The following RBFOX1 variants were observed in gnomAD, a reference collection of about 807,000 sequenced individuals.
The protein encoded by RBFOX1 is RNA binding fox-1 homolog 1, also known as RNA binding protein fox-1 homolog 1.
Under a neutral mutation model 57.7 loss-of-function variants are expected in RBFOX1, and 8 were observed. The observed-to-expected ratio is 0.14, with a 90% confidence interval of 0.08 to 0.25. The LOEUF is 0.25. Ranked by LOEUF, RBFOX1 falls within the 10% of genes least tolerant of loss-of-function variation. The probability of loss-of-function intolerance (pLI) is 1.00; values close to 1 mark genes in which losing one functional copy is unlikely to be tolerated. For missense variants in RBFOX1, 611 were observed against 548.5 expected, an observed-to-expected ratio of 1.11 and a Z score of -1.14; for synonymous variants, 326 against 222.4, an observed-to-expected ratio of 1.47 and a Z score of -4.15.
chr16:6,888,421 G>C (rs1162793674), intron 3 of RBFOX1, among the ~76,000 whole-genome samples: 1 of 152,136 alleles, frequency 6.6e-6, no homozygotes, highest in Non-Finnish European at 1.5e-5. Context: ...TCAACACTTA[G>C]AAAGCAGTGT....
At chr16:7,479,205 C>T (rs1267499253) in intron 4 of RBFOX1, among the ~76,000 whole-genome samples, 1 of 150,346 alleles carries the variant, frequency 6.7e-6, no homozygotes, top group African/African-American at 2.4e-5. Context: ...CTCAGTGCAA[C>T]TTCTGCCTCC....
At chr16:7,057,053 G>C (rs1474951135) in intron 4 of RBFOX1, among the ~76,000 whole-genome samples, 3 of 149,606 alleles carry the variant, frequency 2.0e-5, no homozygotes, top group Admixed American at 6.7e-5. Context: ...ATGCAGGCCT[G>C]ATACTCAACA....
intron 4 of RBFOX1, among the ~76,000 whole-genome samples, chr16:7,479,254 G>A (rs780600661): frequency 2.6e-5 from 4 of 151,886 alleles, no homozygotes; most frequent in Non-Finnish European, 4.4e-5. Flanking sequence ...CTCCCGAGTC[G>A]CTGGGATTAC....
intron 3 of RBFOX1, among the ~76,000 whole-genome samples, chr16:6,686,242 A>G (rs1030341993): frequency 1.6e-4 from 24 of 152,266 alleles, no homozygotes; most frequent in Middle Eastern, 3.4e-3. Flanking sequence ...GTCTCAAATT[A>G]GATGAGACAG....
chr16:7,693,122 C>G (rs1435283053), intron 14 of RBFOX1, among the ~76,000 whole-genome samples: 3 of 152,002 alleles, frequency 2.0e-5, no homozygotes, highest in Non-Finnish European at 4.4e-5. Flanking sequence ...CTGACATTAC[C>G]ATGACTTTAA....
intron 2 of RBFOX1, among the ~76,000 whole-genome samples, chr16:6,403,316 C>G (rs371133184): frequency 6.6e-6 from 1 of 152,144 alleles, no homozygotes; most frequent in Non-Finnish European, 1.5e-5. Flanking sequence ...GTTAAGAACC[C>G]AAGCAATAAG....
intron 1 of RBFOX1, among the ~76,000 whole-genome samples, chr16:5,398,374 T>G (rs1162036258): frequency 1.3e-5 from 2 of 152,092 alleles, no homozygotes; most frequent in African/African-American, 2.4e-5. Context: ...AGTGTGCATG[T>G]GCTTGTGTGT....
chr16:6,885,112 A>C (rs1308895555), intron 3 of RBFOX1, among the ~76,000 whole-genome samples: 1 of 152,172 alleles, frequency 6.6e-6, no homozygotes, highest in African/African-American at 2.4e-5. Flanking sequence ...GCTCTGACTG[A>C]AACGGAAGGA....
intron 3 of RBFOX1, among the ~76,000 whole-genome samples, chr16:6,770,011 C>T (rs1025235296): frequency 2.6e-5 from 4 of 151,938 alleles, no homozygotes; most frequent in Non-Finnish European, 5.9e-5. Flanking sequence ...TAAAGGAACA[C>T]CTCTATTCTC....
At chr16:6,844,614 C>T (rs1202744633) in intron 3 of RBFOX1, among the ~76,000 whole-genome samples, 4 of 151,802 alleles carry the variant, frequency 2.6e-5, no homozygotes, top group Non-Finnish European at 5.9e-5. Context: ...GAGTCCTTGT[C>T]TTTGCTATCG....
intron 3 of RBFOX1, among the ~76,000 whole-genome samples, chr16:6,930,099 C>G (rs1289025640): frequency 6.6e-6 from 1 of 152,186 alleles, no homozygotes; most frequent in African/African-American, 2.4e-5. Flanking sequence ...TCGGCCTGCT[C>G]TTGAATGTTG....
At chr16:6,522,392 G>C (rs1439021463) in intron 2 of RBFOX1, among the ~76,000 whole-genome samples, 1 of 152,022 alleles carries the variant, frequency 6.6e-6, no homozygotes, top group Non-Finnish European at 1.5e-5. Flanking sequence ...ACCCAAGCTG[G>C]CCATTTATCA....
intron 4 of RBFOX1, among the ~76,000 whole-genome samples, chr16:7,234,452 A>G (rs772691636): frequency 6.6e-6 from 1 of 152,116 alleles, no homozygotes; most frequent in Non-Finnish European, 1.5e-5. Flanking sequence ...CATCAATAAA[A>G]TAAGCTCCCT....
At chr16:6,804,924 C>G (rs79186451) in intron 3 of RBFOX1, among the ~76,000 whole-genome samples, 150 of 152,272 alleles carry the variant, frequency 9.9e-4, no homozygotes, top group African/African-American at 3.3e-3. Flanking sequence ...GATTCAAAGA[C>G]TTCTCATATG....
At chr16:7,435,338 G>A (rs1371090204) in intron 4 of RBFOX1, among the ~76,000 whole-genome samples, 2 of 152,076 alleles carry the variant, frequency 1.3e-5, no homozygotes, top group East Asian at 3.9e-4. Flanking sequence ...CGGAGAGGAA[G>A]ACCACAGAGA....
chr16:7,293,366 A>C (rs1294081900), intron 4 of RBFOX1, among the ~76,000 whole-genome samples: 1 of 152,186 alleles, frequency 6.6e-6, no homozygotes, highest in Non-Finnish European at 1.5e-5. Context: ...TGTCCTTGGA[A>C]GGTCCTAGAA....
chr16:6,479,790 C>T (rs963010961), intron 2 of RBFOX1, among the ~76,000 whole-genome samples: 28 of 151,486 alleles, frequency 1.8e-4, no homozygotes, highest in African/African-American at 6.5e-4. Flanking sequence ...TGGCTCATGC[C>T]TGTAATCCCA....
At chr16:5,556,663 C>T (rs887173078) in intron 2 of RBFOX1, among the ~76,000 whole-genome samples, 2 of 152,228 alleles carry the variant, frequency 1.3e-5, no homozygotes, top group Admixed American at 1.3e-4. Flanking sequence ...CTGACTCTCA[C>T]CCTCGGGCAC....
At chr16:7,705,853 A>G (rs770554021) in intron 14 of RBFOX1, among the ~76,000 whole-genome samples, 1 of 152,168 alleles carries the variant, frequency 6.6e-6, no homozygotes, top group South Asian at 2.1e-4. Flanking sequence ...GGACACATTG[A>G]AGATTTCTTC....
Sources: allele counts gnomAD v4.1 joint callset (sites outside exome capture counted in the v4.1 genomes callset), GRCh38; gene constraint gnomAD v4.1.1; transcripts MANE v1.5; gene names NCBI Gene and HGNC (gene_info 2026-07-23, HGNC 2026-07-21).